PTPRD: variants seen among roughly 807,000 people sequenced by gnomAD.
PTPRD encodes the protein protein tyrosine phosphatase receptor type D.
Under a neutral mutation model 214.5 loss-of-function variants are expected in PTPRD, and 34 were observed. The observed-to-expected ratio is 0.16, with a 90% confidence interval of 0.12 to 0.21. The LOEUF is 0.21. Ranked by LOEUF, PTPRD falls within the 10% of genes least tolerant of loss-of-function variation. PTPRD has a pLI of 1.00. For synonymous variants in PTPRD, 1,128 were observed against 845.7 expected (o/e 1.33, Z -5.79); for missense variants, 2,545 against 2,398.7 (o/e 1.06, Z -1.27).
intron 3 of PTPRD, 76 bp downstream of exon 3, chr9:10,340,887 A>G (rs2096927142): frequency 6.6e-6 from 1 of 151,914 alleles, no homozygotes; most frequent in African/African-American, 2.4e-5. Context: ...TTATTTCTCA[A>G]ATGAGAAGCT....
intron 3 of PTPRD, among the ~76,000 whole-genome samples, chr9:10,277,295 T>C (rs77412403): frequency 0.013 from 1,911 of 151,234 alleles, 48 homozygotes; most frequent in African/African-American, 0.044. Context: ...AACTGAACAA[T>C]ATATACCATC....
chr9:9,779,099 A>AAAAAAAAAAAAAAAAAAAAAAAG (rs1565195907), intron 5 of PTPRD, among the ~76,000 whole-genome samples: 1 of 148,742 alleles, frequency 6.7e-6, no homozygotes, highest in African/African-American at 2.5e-5. Flanking sequence ...AAAAAAAAAA[A>AAAAAAAAAAAAAAAAAAAAAAAG]AAAAAGCAAT....
intron 9 of PTPRD, among the ~76,000 whole-genome samples, chr9:9,352,767 G>T (rs557943079): frequency 6.6e-6 from 1 of 152,024 alleles, no homozygotes; most frequent in African/African-American, 2.4e-5. Flanking sequence ...ACTTCTCTCA[G>T]AGTTGTAATA....
chr9:8,450,546 G>A (rs2133540349), intron 33 of PTPRD, among the ~76,000 whole-genome samples: 1 of 152,218 alleles, frequency 6.6e-6, no homozygotes, highest in East Asian at 1.9e-4. Context: ...TCACCTGGTG[G>A]GTAGATCAGC....
chr9:8,600,898 G>C (rs556937740), intron 14 of PTPRD, among the ~76,000 whole-genome samples: 3 of 151,992 alleles, frequency 2.0e-5, no homozygotes, highest in Non-Finnish European at 4.4e-5. Flanking sequence ...AAATAAAAAA[G>C]AAACTTTGTC....
chr9:8,676,922 C>T (rs1200528914), intron 12 of PTPRD, among the ~76,000 whole-genome samples: 2 of 152,102 alleles, frequency 1.3e-5, no homozygotes, highest in South Asian at 4.1e-4. Flanking sequence ...GTGCTTGGCA[C>T]ACAGTAGGCA....
intron 2 of PTPRD, among the ~76,000 whole-genome samples, chr9:10,565,820 GA>G (rs1038709632): frequency 6.6e-6 from 1 of 151,530 alleles, no homozygotes; most frequent in Admixed American, 6.6e-5. Context: ...TTAATATACA[GA>G]AAAATACAAT....
At chr9:8,341,430 A>G (rs3736380) in intron 40 of PTPRD, among the ~76,000 whole-genome samples, 162 bp from the exon 41 acceptor site, 10,846 of 151,866 alleles carry the variant, frequency 0.071, 536 homozygotes, top group Middle Eastern at 0.12. Flanking sequence ...CTACCTAATC[A>G]CTCTCTATAG....
chr9:9,449,584 C>G (rs946010490), intron 8 of PTPRD, among the ~76,000 whole-genome samples: 2 of 151,910 alleles, frequency 1.3e-5, no homozygotes, highest in Non-Finnish European at 2.9e-5. Context: ...TCCAGCAGAC[C>G]CTTTGTCTAG....
chr9:9,388,352 C>A (rs980096410), intron 9 of PTPRD, among the ~76,000 whole-genome samples: 5 of 152,096 alleles, frequency 3.3e-5, no homozygotes, highest in South Asian at 2.1e-4. Flanking sequence ...TAGCCAGGGA[C>A]CACACACTCC....
intron 2 of PTPRD, among the ~76,000 whole-genome samples, chr9:10,441,889 A>T (rs114220908): frequency 0.013 from 1,940 of 151,770 alleles, 38 homozygotes; most frequent in African/African-American, 0.044. Context: ...ACCTATTAGT[A>T]AATTACAATC....
intron 2 of PTPRD, among the ~76,000 whole-genome samples, chr9:10,548,240 T>C (rs2060565534): frequency 6.6e-6 from 1 of 152,166 alleles, no homozygotes; most frequent in Non-Finnish European, 1.5e-5. Flanking sequence ...GGAATGAGCT[T>C]TCCTTTTAAA....
chr9:9,983,965 A>G (rs1373616463), intron 4 of PTPRD, among the ~76,000 whole-genome samples: 1 of 152,172 alleles, frequency 6.6e-6, no homozygotes, highest in Non-Finnish European at 1.5e-5. Context: ...TTGATTTAGT[A>G]TGCCTATTCC....
At chr9:9,361,828 A>G (rs1283054554) in intron 9 of PTPRD, among the ~76,000 whole-genome samples, 1 of 151,074 alleles carries the variant, frequency 6.6e-6, no homozygotes, top group Non-Finnish European at 1.5e-5. Flanking sequence ...TATTCAATTA[A>G]ATATTATACA....
chr9:9,796,544 G>C (rs927569855), intron 5 of PTPRD, among the ~76,000 whole-genome samples: 4 of 152,118 alleles, frequency 2.6e-5, no homozygotes, highest in African/African-American at 9.7e-5. Flanking sequence ...CTCAGGGAGG[G>C]ACTTTTCAGT....
rs375473764 is a variant in PTPRD, at chr9:9,717,535, A to G, written c.-287+16998T>C. On this transcript the variant is annotated intron_variant, in intron 7 of 45. Transcript: ENST00000381196. ...TATAAAACTCACTCATTTTGTTTAC[A>G]TTACTTTTGTGGTCATTTCAACCAG... 1.4e-3 allele frequency among the ~76,000 whole-genome samples: 210 copies of G among 152,284 alleles called. 1 individual carries two copies. The highest frequency in any genetic ancestry group is 4.1e-3 in the African/African-American group (169 of 41,558).
chr9:9,170,977 A>G (rs1011680968), intron 10 of PTPRD, among the ~76,000 whole-genome samples: 3 of 152,194 alleles, frequency 2.0e-5, no homozygotes, highest in Non-Finnish European at 2.9e-5. Flanking sequence ...GATGTGGGTT[A>G]CAGGCTCCTC....
At chr9:10,126,744 C>T (rs1300647216) in intron 3 of PTPRD, among the ~76,000 whole-genome samples, 1 of 152,110 alleles carries the variant, frequency 6.6e-6, no homozygotes, top group East Asian at 1.9e-4. Context: ...TGGGTATTGA[C>T]TGTCATCTAG....
At chr9:10,570,611 C>T (rs1009445541) in intron 2 of PTPRD, among the ~76,000 whole-genome samples, 1 of 151,936 alleles carries the variant, frequency 6.6e-6, no homozygotes, top group Non-Finnish European at 1.5e-5. Flanking sequence ...GGGATGGGAA[C>T]CTTATTATTT....
Sources: allele counts gnomAD v4.1 joint callset (sites outside exome capture counted in the v4.1 genomes callset), GRCh38; gene constraint gnomAD v4.1.1; transcripts MANE v1.5; gene names NCBI Gene and HGNC (gene_info 2026-07-23, HGNC 2026-07-21).